Variants in RIPOR3 observed in about 807,000 individuals in gnomAD.
RIPOR3 encodes RIPOR family member 3.
RIPOR3 carries 95 observed loss-of-function variants against 114.3 expected under a neutral mutation model. The observed-to-expected ratio is 0.83, with a 90% CI of 0.70 to 0.99. The LOEUF (loss-of-function observed/expected upper bound fraction) is 0.99. Among genes scored for constraint, RIPOR3 ranks in the 50% least tolerant of loss-of-function variants. The pLI is 0.00. For synonymous variants in RIPOR3, 575 were observed against 543.8 expected (o/e 1.06, Z -0.80); for missense variants, 1,252 against 1,266.9 (o/e 0.99, Z 0.18).
chr20:50,589,770 C>T lies in RIPOR3; in HGVS notation c.2578-1G>A. 2.5e-6 allele frequency: 4 copies of T among 1,612,762 alleles called. No homozygotes were observed. Among genetic ancestry groups the T allele is most frequent in the Non-Finnish European group, 3.4e-6 (4 of 1,179,324 alleles). ...GGGCGTTGGTGTAGAACAGCAAAGCCTGGGGAGAGTAAGGAGGCTGTGAAT... is the reference window on the plus strand; with the variant it reads ...GGGCGTTGGTGTAGAACAGCAAAGCTTGGGGAGAGTAAGGAGGCTGTGAAT... On this transcript the variant is annotated splice_acceptor_variant, in intron 19 of 21. Transcript: ENST00000327979. LOFTEE classifies it high-confidence loss of function.
At chr20:50,690,519 G>A (rs1181223228) in intron 1 of RIPOR3, among the ~76,000 whole-genome samples, 1 of 152,262 alleles carries the variant, frequency 6.6e-6, no homozygotes, top group South Asian at 2.1e-4. Context: ...CCTCCTTCCT[G>A]CAGGTAATGC....
chr20:50,607,927 G>A (rs1293135496), intron 11 of RIPOR3, among the ~76,000 whole-genome samples: 1 of 152,192 alleles, frequency 6.6e-6, no homozygotes, highest in African/African-American at 2.4e-5. Flanking sequence ...CACGCTCATG[G>A]GCATGCAGTC....
At chr20:50,639,153 A>C (rs2085102517) in intron 1 of RIPOR3, among the ~76,000 whole-genome samples, 2 of 151,592 alleles carry the variant, frequency 1.3e-5, no homozygotes, top group Non-Finnish European at 2.9e-5. Context: ...GAGGCAGGAG[A>C]ATTGCTTGAA....
chr20:50,673,034 G>A (rs1014462451), intron 1 of RIPOR3, among the ~76,000 whole-genome samples: 7 of 152,338 alleles, frequency 4.6e-5, no homozygotes, highest in African/African-American at 1.4e-4. Flanking sequence ...TGTGCTGAGA[G>A]CTGGACCGGT....
In RIPOR3 at chr20:50,589,645, G is replaced by A. The variant is rs1453554905; in HGVS notation, c.2661+41C>T. The A allele has an allele frequency of 1.9e-6, 3 of 1,600,390 alleles. No homozygotes were observed. The South Asian group carries it at 3.3e-5, about 18-fold the overall frequency. ...CTAACCTTAACCCTAACCACAAGCA[G>A]GCTTTTCTATCAGCCACTAATGGGG... On this transcript the variant is annotated intron_variant, in intron 20 of 21. Coordinates refer to ENST00000327979, the MANE Select transcript of RIPOR3 (RefSeq NM_001290268.2).
chr20:50,688,931 G>A (rs1316046633), intron 1 of RIPOR3, among the ~76,000 whole-genome samples: 2 of 152,138 alleles, frequency 1.3e-5, no homozygotes, highest in African/African-American at 4.8e-5. Context: ...AGCAACCAGT[G>A]GGCATCTGGG....
rs375508730 is a variant in RIPOR3, at chr20:50,589,749, G to A, written c.2598C>T (p.Asn866=). 3.8e-5 allele frequency: 61 copies of A among 1,613,462 alleles called. No homozygotes were observed. Among genetic ancestry groups the A allele is most frequent in the Non-Finnish European group, 4.7e-5 (55 of 1,179,748 alleles). ...FREKALLFYT[N]ALAENDARLQ... The stretch of plus-strand genomic sequence containing the variant: ...GCCTTGCGTCGTTCTCTGCCAGGGC[G>A]TTGGTGTAGAACAGCAAAGCCTGGG... The change falls in exon 20 of 22, where the codon AAC becomes AAT. Residue 866 remains asparagine (N), a synonymous_variant. Coordinates refer to ENST00000327979, the MANE Select transcript of RIPOR3 (RefSeq NM_001290268.2).
Position 50,608,898 on chromosome 20 carries a change from G to A in RIPOR3, c.684+14C>T, listed in dbSNP as rs934642130. On this transcript the variant is annotated intron_variant, in intron 9 of 21. Transcript: ENST00000327979. Reference sequence around the variant, plus strand: ...CGGGGAGCCCTGAGGATTGACCCCAGAGAGTGGCCGTACCTCATAGTGGTC... The same window carrying A: ...CGGGGAGCCCTGAGGATTGACCCCAAAGAGTGGCCGTACCTCATAGTGGTC... 3 of 1,597,178 alleles carry A rather than the reference G, an allele frequency of 1.9e-6. No homozygotes were observed. The highest frequency in any genetic ancestry group is 2.6e-6 in the Non-Finnish European group (3 of 1,172,310).
rs1318056544 is a variant in RIPOR3, at chr20:50,641,206, C to T, written c.4-10350G>A. On this transcript the variant is annotated intron_variant, in intron 1 of 21. Transcript: ENST00000327979. ...GATTACAGGCGTGAGCCACCACGTCCGGCTCACTTCTTTTTTTTTCTGAGA... is the reference window on the plus strand; with the variant it reads ...GATTACAGGCGTGAGCCACCACGTCTGGCTCACTTCTTTTTTTTTCTGAGA... Among the ~76,000 whole-genome samples, 12 of 151,930 alleles carry T rather than the reference C, an allele frequency of 7.9e-5. No homozygotes were observed. In the South Asian group the frequency reaches 2.1e-3, roughly 26 times the overall value.
chr20:50,649,603 A>AG (rs1241151077), intron 1 of RIPOR3, among the ~76,000 whole-genome samples: 2 of 145,380 alleles, frequency 1.4e-5, no homozygotes, highest in African/African-American at 5.1e-5. Flanking sequence ...CCCCACCCAC[A>AG]GGGACTGGGC....
At chr20:50,603,389 C>G (rs2083575934) in intron 12 of RIPOR3, among the ~76,000 whole-genome samples, 1 of 152,208 alleles carries the variant, frequency 6.6e-6, no homozygotes, top group African/African-American at 2.4e-5. Context: ...CAGTGGCACT[C>G]CATGACGCCT....
At position 50,605,620 on chromosome 20, in the gene RIPOR3, A is replaced by T. The variant is rs933108806; in HGVS notation, c.957-846T>A. ...CCCCGTCTCTACAAAAAATGAATACATTAGCTGGGCTAATGTGGTGACCAA... is the reference window on the plus strand; with the variant it reads ...CCCCGTCTCTACAAAAAATGAATACTTTAGCTGGGCTAATGTGGTGACCAA... On this transcript the variant is annotated intron_variant, in intron 11 of 21. Coordinates refer to ENST00000327979, the MANE Select transcript of RIPOR3 (RefSeq NM_001290268.2). Among the ~76,000 whole-genome samples the T allele has an allele frequency of 1.3e-5, 2 of 151,920 alleles. 1 individual carries two copies.
intron 1 of RIPOR3, among the ~76,000 whole-genome samples, chr20:50,633,433 C>T (rs760662335): frequency 5.3e-5 from 8 of 152,174 alleles, no homozygotes; most frequent in South Asian, 2.1e-4. Context: ...TTGTTAAACA[C>T]GTATGAGCTC....
chr20:50,678,611 C>G (rs573887257), intron 1 of RIPOR3, among the ~76,000 whole-genome samples: 24 of 152,318 alleles, frequency 1.6e-4, no homozygotes, highest in African/African-American at 5.5e-4. Context: ...AAGATCGGAA[C>G]TGATCTCACG....
intron 19 of RIPOR3, among the ~76,000 whole-genome samples, chr20:50,592,042 G>A (rs866063106): frequency 9.9e-5 from 15 of 152,178 alleles, no homozygotes; most frequent in Admixed American, 2.6e-4. Context: ...TTGCAAGATC[G>A]TGGCACTGGA....
intron 1 of RIPOR3, among the ~76,000 whole-genome samples, chr20:50,658,487 C>T (rs976975726): frequency 3.4e-4 from 51 of 152,076 alleles, no homozygotes; most frequent in African/African-American, 1.2e-3. Flanking sequence ...GTGGGAGGAT[C>T]GCTCGAGCCC....
chr20:50,624,589 G>A (rs2084548599), intron 2 of RIPOR3, among the ~76,000 whole-genome samples: 1 of 152,246 alleles, frequency 6.6e-6, no homozygotes, highest in Non-Finnish European at 1.5e-5. Context: ...TGATGCACAT[G>A]CAGCCTCCAG....
At chr20:50,600,679 G>A (rs1360975609) in intron 13 of RIPOR3, among the ~76,000 whole-genome samples, 1 of 152,204 alleles carries the variant, frequency 6.6e-6, no homozygotes, top group East Asian at 1.9e-4. Flanking sequence ...AGGATCGTGT[G>A]ATCCCAGGAG....
intron 2 of RIPOR3, among the ~76,000 whole-genome samples, chr20:50,629,058 G>A (rs966819952): frequency 2.0e-5 from 3 of 152,204 alleles, no homozygotes; most frequent in Admixed American, 6.5e-5. Flanking sequence ...GGGAACTGGA[G>A]GTGGAGGAGT....
Sources: gnomAD v4.1 joint callset for allele counts (sites outside exome capture counted in the v4.1 genomes callset) on GRCh38, gnomAD v4.1.1 for gene constraint, MANE v1.5 for transcripts, NCBI Gene and HGNC (gene_info 2026-07-23, HGNC 2026-07-21) for gene names.